Variants in FHIT observed in about 807,000 individuals in gnomAD.
The protein encoded by FHIT is bis(5'-adenosyl)-triphosphatase.
In FHIT, 19 loss-of-function variants were observed where a neutral mutation model predicts 17.9. The observed-to-expected ratio is 1.06, with a 90% CI of 0.74 to 1.56. The LOEUF is 1.56. FHIT is among the 40% of genes most tolerant of loss of function. The pLI, the probability that FHIT is intolerant of heterozygous loss-of-function variation, is 0.00. For synonymous variants in FHIT, 81 were observed against 69.7 expected (o/e 1.16, Z -0.81); for missense variants, 248 against 189.2 (o/e 1.31, Z -1.82).
intron 8 of FHIT, among the ~76,000 whole-genome samples, chr3:59,912,125 A>G (rs1704909080): frequency 6.6e-6 from 1 of 152,208 alleles, no homozygotes; most frequent in African/African-American, 2.4e-5. Flanking sequence ...TGCCCAAATG[A>G]GCACTTCATT....
chr3:60,085,384 T>C (rs2107065106), intron 5 of FHIT, among the ~76,000 whole-genome samples: 1 of 152,286 alleles, frequency 6.6e-6, no homozygotes, highest in South Asian at 2.1e-4. Flanking sequence ...ATTCTACACT[T>C]ACATTATATC....
At chr3:60,014,393 A>T (rs1183321177) in intron 5 of FHIT, among the ~76,000 whole-genome samples, 15 of 152,242 alleles carry the variant, frequency 9.9e-5, no homozygotes, top group Admixed American at 9.8e-4. Flanking sequence ...TGCAAAAGAA[A>T]GGGACATTCG....
intron 3 of FHIT, among the ~76,000 whole-genome samples, chr3:60,845,441 C>T (rs1440760806): frequency 6.6e-6 from 1 of 151,914 alleles, no homozygotes; most frequent in Non-Finnish European, 1.5e-5. Context: ...CTGAGCAGAG[C>T]ACAGAGAGAA....
chr3:60,739,423 C>G (rs1208224976), intron 4 of FHIT, among the ~76,000 whole-genome samples: 1 of 152,226 alleles, frequency 6.6e-6, no homozygotes, highest in Non-Finnish European at 1.5e-5. Context: ...CTTGCTCCTG[C>G]ACCTGGCCAT....
At chr3:60,286,434 T>C (rs551573445) in intron 5 of FHIT, among the ~76,000 whole-genome samples, 3 of 152,288 alleles carry the variant, frequency 2.0e-5, no homozygotes, top group East Asian at 3.9e-4. Context: ...CTTGGAAGTA[T>C]GCAAATTTTA....
chr3:60,218,186 G>T (rs940571938), intron 5 of FHIT, among the ~76,000 whole-genome samples: 1 of 152,060 alleles, frequency 6.6e-6, no homozygotes, highest in African/African-American at 2.4e-5. Context: ...GGGATTCTGA[G>T]ATCGAAAAGT....
intron 3 of FHIT, among the ~76,000 whole-genome samples, chr3:60,917,533 T>C (rs1398150104): frequency 6.6e-5 from 10 of 152,210 alleles, no homozygotes; most frequent in African/African-American, 9.6e-5. Flanking sequence ...ATGGAATCCA[T>C]CTACCACTTC....
chr3:60,598,580 C>G (rs1267307913), intron 4 of FHIT, among the ~76,000 whole-genome samples: 1 of 152,060 alleles, frequency 6.6e-6, no homozygotes, highest in Non-Finnish European at 1.5e-5. Context: ...GAAGTAAAAG[C>G]AAGTTTATAT....
intron 2 of FHIT, among the ~76,000 whole-genome samples, chr3:61,175,218 C>T (rs2038122804): frequency 6.6e-6 from 1 of 152,010 alleles, no homozygotes; most frequent in African/African-American, 2.4e-5. Context: ...AAATAAGCAA[C>T]CAAAAATAAT....
chr3:60,397,966 G>T (rs765603162), intron 5 of FHIT, among the ~76,000 whole-genome samples: 58 of 152,096 alleles, frequency 3.8e-4, no homozygotes, highest in Non-Finnish European at 7.5e-4. Context: ...AAAAGCCACA[G>T]CCTCAGCCAT....
chr3:60,017,628 C>T (rs1001458806), intron 5 of FHIT, among the ~76,000 whole-genome samples: 2 of 152,174 alleles, frequency 1.3e-5, no homozygotes, highest in Admixed American at 6.5e-5. Context: ...AGAAACTTGG[C>T]AATCCTTTCT....
intron 3 of FHIT, among the ~76,000 whole-genome samples, chr3:60,882,983 A>G (rs1705044720): frequency 1.3e-5 from 2 of 152,288 alleles, no homozygotes; most frequent in East Asian, 1.9e-4. Context: ...CTGTACCAAA[A>G]CATTCTTAGA....
chr3:61,215,142 T>A (rs2106790934), intron 1 of FHIT, among the ~76,000 whole-genome samples: 1 of 152,098 alleles, frequency 6.6e-6, no homozygotes, highest in South Asian at 2.1e-4. Flanking sequence ...AACATAGTGT[T>A]GGAAGTTCTG....
intron 4 of FHIT, among the ~76,000 whole-genome samples, chr3:60,800,554 C>T (rs988913787): frequency 6.6e-6 from 1 of 151,966 alleles, no homozygotes; most frequent in African/African-American, 2.4e-5. Context: ...AATTGAGGAA[C>T]GAGGGAGAGT....
At chr3:60,825,017 C>A (rs1702064887) in intron 3 of FHIT, among the ~76,000 whole-genome samples, 1 of 152,190 alleles carries the variant, frequency 6.6e-6, no homozygotes, top group African/African-American at 2.4e-5. Flanking sequence ...TTATTTCTAT[C>A]AGACTAGTTA....
At chr3:61,036,468 G>A (rs1196233354) in intron 3 of FHIT, among the ~76,000 whole-genome samples, 2 of 152,130 alleles carry the variant, frequency 1.3e-5, no homozygotes, top group Non-Finnish European at 2.9e-5. Context: ...CACTTCAAAT[G>A]TTCCTCTTAT....
At chr3:61,106,083 T>A (rs1039425071) in intron 2 of FHIT, among the ~76,000 whole-genome samples, 2 of 152,174 alleles carry the variant, frequency 1.3e-5, no homozygotes, top group African/African-American at 4.8e-5. Flanking sequence ...GACAAGTCAC[T>A]GAGAGCCTGA....
At chr3:59,901,734 A>G (rs1704338631) in intron 8 of FHIT, among the ~76,000 whole-genome samples, 1 of 152,186 alleles carries the variant, frequency 6.6e-6, no homozygotes, top group South Asian at 2.1e-4. Flanking sequence ...TACCTTCAAA[A>G]ATTAAACATA....
intron 5 of FHIT, among the ~76,000 whole-genome samples, chr3:60,454,994 C>T (rs886436528): frequency 2.6e-5 from 4 of 152,064 alleles, no homozygotes; most frequent in Admixed American, 6.5e-5. Context: ...ATGAACCCAA[C>T]TTTGAACTCA....
Sources: gnomAD v4.1 joint callset for allele counts (sites outside exome capture counted in the v4.1 genomes callset) on GRCh38, gnomAD v4.1.1 for gene constraint, MANE v1.5 for transcripts, NCBI Gene and HGNC (gene_info 2026-07-23, HGNC 2026-07-21) for gene names.